ITGA2: variants seen among roughly 807,000 people sequenced by gnomAD.
The protein encoded by ITGA2 is integrin alpha-2.
A neutral mutation model predicts 146.3 loss-of-function variants in ITGA2; 101 were observed. The observed-to-expected ratio is 0.69, with a 90% CI of 0.59 to 0.81. The LOEUF is 0.81. ITGA2 is among the 40% of genes least tolerant of loss of function. The probability of loss-of-function intolerance (pLI) is 0.00; values close to 1 mark genes in which losing one functional copy is unlikely to be tolerated. For missense variants in ITGA2, 1,281 were observed against 1,402.7 expected (o/e 0.91, Z 1.39); for synonymous variants, 477 against 487.1 (o/e 0.98, Z 0.27).
intron 1 of ITGA2, among the ~76,000 whole-genome samples, chr5:53,020,361 T>G (rs1742619128): frequency 6.6e-6 from 1 of 152,182 alleles, no homozygotes. Flanking sequence ...GAAGTGTTAT[T>G]ATGTGACCAT....
intron 28 of ITGA2, among the ~76,000 whole-genome samples, chr5:53,088,153 A>C (rs1423396248): frequency 1.3e-5 from 2 of 152,196 alleles, no homozygotes; most frequent in Non-Finnish European, 2.9e-5. Context: ...AGCATAGGGG[A>C]GAAGTATTAT....
chr5:53,076,971 G>A (rs903219056), intron 23 of ITGA2, among the ~76,000 whole-genome samples: 1 of 151,948 alleles, frequency 6.6e-6, no homozygotes, highest in African/African-American at 2.4e-5. Flanking sequence ...ATAAGAGACT[G>A]TTTTCAGAAT....
intron 1 of ITGA2, among the ~76,000 whole-genome samples, chr5:52,991,468 A>C (rs1443432313): frequency 6.6e-6 from 1 of 152,164 alleles, no homozygotes; most frequent in East Asian, 1.9e-4. Flanking sequence ...GTACAATTGC[A>C]TCATATCACA....
chr5:53,053,090 G>A (rs1398169465), intron 7 of ITGA2, among the ~76,000 whole-genome samples: 2 of 152,038 alleles, frequency 1.3e-5, no homozygotes, highest in Non-Finnish European at 1.5e-5. Context: ...CTAGTCAGTC[G>A]AACTAAAAAT....
At chr5:53,063,496 A>G (rs996795370) in intron 13 of ITGA2, among the ~76,000 whole-genome samples, 4 of 151,540 alleles carry the variant, frequency 2.6e-5, no homozygotes, top group African/African-American at 9.7e-5. Flanking sequence ...GCAAAGCATA[A>G]TTTTTCCAAT....
intron 1 of ITGA2, among the ~76,000 whole-genome samples, chr5:53,009,035 CA>C (rs1392955340): frequency 2.0e-5 from 3 of 152,086 alleles, no homozygotes; most frequent in Admixed American, 6.5e-5. Context: ...CACCTGCACA[CA>C]GTGGGGTGCA....
At chr5:53,073,298 C>T in intron 20 of ITGA2, 39 bp downstream of exon 20, 1 of 1,605,074 alleles carries the variant, frequency 6.2e-7, no homozygotes, top group South Asian at 1.1e-5. Flanking sequence ...CACCATGCTT[C>T]CTACTTATAG....
chr5:53,082,167 AT>A (rs1473584046), intron 26 of ITGA2, among the ~76,000 whole-genome samples: 4 of 152,052 alleles, frequency 2.6e-5, no homozygotes, highest in African/African-American at 9.7e-5. Flanking sequence ...ATATTTTGTT[AT>A]TTCCTGTTCT....
intron 1 of ITGA2, among the ~76,000 whole-genome samples, chr5:52,990,853 C>A (rs1185904847): frequency 1.3e-5 from 2 of 152,094 alleles, no homozygotes; most frequent in Non-Finnish European, 2.9e-5. Flanking sequence ...CAACCCTAAT[C>A]TACGGATTTC....
At chr5:53,033,316 T>C (rs1282944095) in intron 2 of ITGA2, among the ~76,000 whole-genome samples, 1 of 152,026 alleles carries the variant, frequency 6.6e-6, no homozygotes, top group African/African-American at 2.4e-5. Context: ...CCTCAACCAA[T>C]TCTCATCTGT....
chr5:53,085,547 A>G (rs1336011121), intron 27 of ITGA2, among the ~76,000 whole-genome samples: 5 of 152,208 alleles, frequency 3.3e-5, no homozygotes, highest in African/African-American at 4.8e-5. Flanking sequence ...AACCATTATC[A>G]ATACTCTTAA....
intron 1 of ITGA2, among the ~76,000 whole-genome samples, chr5:53,008,098 A>C (rs1353630162): frequency 1.3e-5 from 2 of 152,000 alleles, no homozygotes; most frequent in African/African-American, 4.8e-5. Flanking sequence ...GGTTATCATA[A>C]CAAAATATCA....
intron 4 of ITGA2, among the ~76,000 whole-genome samples, chr5:53,046,194 C>CA (rs58926174): frequency 0.029 from 2,846 of 98,768 alleles, 54 homozygotes; most frequent in South Asian, 0.044. Context: ...GACTCTGTCT[C>CA]AAAAAAAAAA....
In ITGA2 at chr5:53,083,377, G is replaced by A. The variant is rs1157814604; in HGVS notation, c.3182G>A (p.Trp1061Ter). ...GCTTCCTGTAGTAATGTTACCTGCT[G>A]GTTGAAAGACGTTCACATGAAAGGA... ...RTASCSNVTC[W>*]LKDVHMKGEY... is the part of the protein sequence containing the mutation. The change falls in exon 27 of 30, where the codon TGG becomes TAG. Residue 1061 changes from tryptophan to a stop codon, truncating the protein, a stop_gained. Transcript: ENST00000296585. LOFTEE classifies it high-confidence loss of function. 6.2e-7 allele frequency: 1 copy of A among 1,613,356 alleles called. No individual in the cohort carries two copies. The highest frequency in any genetic ancestry group is 8.5e-7 in the Non-Finnish European group (1 of 1,179,538).
intron 1 of ITGA2, among the ~76,000 whole-genome samples, chr5:53,016,249 C>T (rs572953036): frequency 2.6e-5 from 4 of 152,150 alleles, no homozygotes; most frequent in Admixed American, 6.5e-5. Flanking sequence ...TCTAGCACCC[C>T]CTTAAGGACC....
At chr5:53,057,944 G>T in intron 9 of ITGA2, 81 bp from the exon 10 acceptor site, 2 of 939,764 alleles carry the variant, frequency 2.1e-6, no homozygotes, top group South Asian at 1.3e-5. Context: ...AGGCATGTGT[G>T]TACATACGTG....
In ITGA2 at chr5:53,089,969, TGATGAGAAAGCC is replaced by T; in HGVS notation, c.3375_3386del (p.Asp1125_Ala1128del). 1.9e-6 allele frequency: 3 copies of T among 1,610,928 alleles called. No individual in the cohort carries two copies. Among genetic ancestry groups the T allele is most frequent in the Non-Finnish European group, 1.7e-6 (2 of 1,177,142 alleles). ...AGATTCCCCTGATGATAATGAAACC[TGATGAGAAAGCC>T]GAAGTACCAACAGGAGTTATAATAG... On this transcript the variant is annotated inframe_deletion, in exon 29 of 30. Transcript: ENST00000296585.
At chr5:53,022,779 C>T (rs1042484346) in intron 1 of ITGA2, among the ~76,000 whole-genome samples, 4 of 151,934 alleles carry the variant, frequency 2.6e-5, no homozygotes, top group African/African-American at 7.3e-5. Context: ...CTGCCAAGGA[C>T]GGTCTTGCAC....
chr5:53,063,433 C>A (rs546098801), intron 13 of ITGA2, among the ~76,000 whole-genome samples: 3 of 151,804 alleles, frequency 2.0e-5, no homozygotes, highest in Non-Finnish European at 4.4e-5. Context: ...AGGCATGTAT[C>A]CAACTCTTGA....
Sources: gnomAD v4.1 joint callset for allele counts (sites outside exome capture counted in the v4.1 genomes callset) on GRCh38, gnomAD v4.1.1 for gene constraint, MANE v1.5 for transcripts, NCBI Gene and HGNC (gene_info 2026-07-23, HGNC 2026-07-21) for gene names.